Variants in PDE4B observed in about 807,000 individuals in gnomAD.
The protein encoded by PDE4B is 3',5'-cyclic-AMP phosphodiesterase 4B.
Under a neutral mutation model 82.2 loss-of-function variants are expected in PDE4B, and 20 were observed. The observed-to-expected ratio is 0.24, with a 90% CI of 0.17 to 0.35. The LOEUF (loss-of-function observed/expected upper bound fraction) is 0.35. Among genes scored for constraint, PDE4B ranks in the 10% least tolerant of loss-of-function variants. The pLI, the probability that PDE4B is intolerant of heterozygous loss-of-function variation, is 1.00. For synonymous variants in PDE4B, 320 were observed against 318.9 expected (o/e 1.00, Z -0.04); for missense variants, 655 against 907.2 (o/e 0.72, Z 3.57).
chr1:66,195,291 A>G (rs1229210981), intron 3 of PDE4B, among the ~76,000 whole-genome samples: 1 of 152,156 alleles, frequency 6.6e-6, no homozygotes, highest in African/African-American at 2.4e-5. Context: ...CCTTGTGTTC[A>G]TTTCCCTATG....
chr1:66,088,574 A>T (rs114140757), intron 3 of PDE4B, among the ~76,000 whole-genome samples: 1 of 152,146 alleles, frequency 6.6e-6, no homozygotes, highest in Non-Finnish European at 1.5e-5. Flanking sequence ...ACTGTGTCAG[A>T]TCTACCCTAT....
intron 1 of PDE4B, among the ~76,000 whole-genome samples, chr1:65,841,636 T>C (rs2101347040): frequency 1.3e-5 from 2 of 152,280 alleles, no homozygotes; most frequent in East Asian, 3.9e-4. Context: ...TTAAATATGT[T>C]TGAAAATATG....
chr1:66,160,073 A>G (rs1646580169), intron 3 of PDE4B, among the ~76,000 whole-genome samples: 2 of 152,174 alleles, frequency 1.3e-5, no homozygotes, highest in African/African-American at 4.8e-5. Flanking sequence ...AATGAACCAA[A>G]TAGAGTCCTC....
At chr1:65,973,363 A>G (rs2100632045) in intron 3 of PDE4B, among the ~76,000 whole-genome samples, 1 of 152,164 alleles carries the variant, frequency 6.6e-6, no homozygotes, top group Admixed American at 6.5e-5. Context: ...ACTGATTTTT[A>G]GAAGAGACAT....
intron 1 of PDE4B, among the ~76,000 whole-genome samples, chr1:65,830,202 G>A (rs746167472): frequency 2.6e-5 from 4 of 152,026 alleles, no homozygotes; most frequent in Non-Finnish European, 4.4e-5. Flanking sequence ...TACAACACAA[G>A]TATAAAATAA....
At chr1:66,300,299 TCA>T (rs948122945) in intron 7 of PDE4B, among the ~76,000 whole-genome samples, 3 of 152,170 alleles carry the variant, frequency 2.0e-5, no homozygotes, top group Non-Finnish European at 4.4e-5. Context: ...TCGTCAGGAC[TCA>T]CACTGCATTC....
At chr1:66,158,605 A>G (rs911610451) in intron 3 of PDE4B, among the ~76,000 whole-genome samples, 2 of 152,204 alleles carry the variant, frequency 1.3e-5, no homozygotes, top group South Asian at 2.1e-4. Context: ...TATATATTCA[A>G]AGAAAATCAG....
At chr1:65,863,681 G>T (rs564990021) in intron 1 of PDE4B, among the ~76,000 whole-genome samples, 365 of 152,204 alleles carry the variant, frequency 2.4e-3, no homozygotes, top group Non-Finnish European at 4.4e-3. Context: ...TATGAATCTG[G>T]GTGCTCCTGT....
intron 3 of PDE4B, among the ~76,000 whole-genome samples, chr1:65,996,875 T>C (rs1651570400): frequency 6.6e-6 from 1 of 152,208 alleles, no homozygotes; most frequent in Non-Finnish European, 1.5e-5. Context: ...GGAAAATTAC[T>C]GCCAGAGTTC....
Position 66,365,723 on chromosome 1 carries a change from C to T in PDE4B, c.1341C>T (p.Asp447=), listed in dbSNP as rs536802434. Residue 447 remains aspartate (D), a synonymous_variant, in exon 13 of 17, where the codon GAC becomes GAT. Transcript: ENST00000341517. Reference sequence around the variant, plus strand: ...CCATTTTTGCAGCTGCCATCCATGACGTTGATCATCCTGGAGTCTCCAATC... The same window carrying T: ...CCATTTTTGCAGCTGCCATCCATGATGTTGATCATCCTGGAGTCTCCAATC... ...LAAIFAAAIH[D]VDHPGVSNQF... 290 of 1,609,446 alleles carry T rather than the reference C, an allele frequency of 1.8e-4. 1 individual carries two copies. In the South Asian group the frequency reaches 3.0e-3, roughly 17 times the overall value.
chr1:66,295,971 G>A (rs1473068425), intron 7 of PDE4B, among the ~76,000 whole-genome samples: 2 of 151,946 alleles, frequency 1.3e-5, no homozygotes, highest in Admixed American at 6.6e-5. Context: ...CTTCCTTCAC[G>A]TGTCGCCCTC....
In PDE4B at chr1:66,338,022, C is replaced by T. The variant is rs114336441; in HGVS notation, c.747+5402C>T. Among the ~76,000 whole-genome samples, 1,204 of 152,324 alleles carry T rather than the reference C, an allele frequency of 7.9e-3. 26 individuals carry two copies. Among genetic ancestry groups the T allele is most frequent in the African/African-American group, 0.028 (1,149 of 41,562 alleles). On this transcript the variant is annotated intron_variant, in intron 8 of 16. Coordinates refer to ENST00000341517, the MANE Select transcript of PDE4B (RefSeq NM_002600.4). The stretch of plus-strand genomic sequence containing the variant: ...CAAAATAATTGGAAAAGACCCAGCT[C>T]TTCAGTTTATTGATTGAATAATATT...
At chr1:65,922,345 A>G (rs1647278195) in intron 3 of PDE4B, among the ~76,000 whole-genome samples, 2 of 152,310 alleles carry the variant, frequency 1.3e-5, no homozygotes, top group African/African-American at 4.8e-5. Context: ...TTATTGTTAC[A>G]TTTAGACTGA....
intron 1 of PDE4B, among the ~76,000 whole-genome samples, chr1:65,794,139 A>G (rs995469813): frequency 1.3e-5 from 2 of 152,232 alleles, no homozygotes; most frequent in South Asian, 4.1e-4. Flanking sequence ...TTGTACTTAC[A>G]TTAGGTTTAC....
intron 1 of PDE4B, among the ~76,000 whole-genome samples, chr1:65,879,049 G>T (rs1218358722): frequency 6.6e-6 from 1 of 152,040 alleles, no homozygotes; most frequent in East Asian, 1.9e-4. Flanking sequence ...TCCCAGTTTA[G>T]AAATGAAGAA....
chr1:66,093,006 A>G (rs1009799994), intron 3 of PDE4B, among the ~76,000 whole-genome samples: 8 of 152,252 alleles, frequency 5.3e-5, no homozygotes, highest in African/African-American at 1.7e-4. Context: ...CCTTTGTAGT[A>G]TTAAATGTAT....
intron 1 of PDE4B, among the ~76,000 whole-genome samples, chr1:65,870,607 A>G (rs536258880): frequency 5.3e-5 from 8 of 152,330 alleles, no homozygotes; most frequent in African/African-American, 1.9e-4. Context: ...CTAACAAGAA[A>G]ATTAGCAAAA....
chr1:65,964,677 G>A (rs1249766085), intron 3 of PDE4B, among the ~76,000 whole-genome samples: 3 of 152,156 alleles, frequency 2.0e-5, no homozygotes, highest in Non-Finnish European at 4.4e-5. Context: ...CAGTAAGTGA[G>A]CATGATTTAA....
chr1:66,121,612 T>A (rs192196514), intron 3 of PDE4B, among the ~76,000 whole-genome samples: 259 of 152,350 alleles, frequency 1.7e-3, no homozygotes, highest in African/African-American at 5.2e-3. Context: ...TGTTTGCATC[T>A]ACTCTGAGTT....
Sources: allele counts gnomAD v4.1 joint callset (sites outside exome capture counted in the v4.1 genomes callset), GRCh38; gene constraint gnomAD v4.1.1; transcripts MANE v1.5; gene names NCBI Gene and HGNC (gene_info 2026-07-23, HGNC 2026-07-21).